Variants in GRIN3A observed in about 807,000 individuals in gnomAD.
The protein encoded by GRIN3A is glutamate receptor ionotropic, NMDA 3A.
A neutral mutation model predicts 92.4 loss-of-function variants in GRIN3A; 47 were observed. That is an observed-to-expected ratio of 0.51 (90% CI 0.40 to 0.65). GRIN3A has a LOEUF of 0.65. Ranked by LOEUF, GRIN3A falls within the 30% of genes least tolerant of loss-of-function variation. The probability of loss-of-function intolerance (pLI) is 0.00; values close to 1 mark genes in which losing one functional copy is unlikely to be tolerated. For missense variants in GRIN3A, 1,324 were observed against 1,393.1 expected, an observed-to-expected ratio of 0.95 and a Z score of 0.79; for synonymous variants, 527 against 540.6, an observed-to-expected ratio of 0.97 and a Z score of 0.35.
At chr9:101,639,642 C>T (rs898166212) in intron 3 of GRIN3A, among the ~76,000 whole-genome samples, 1 of 152,196 alleles carries the variant, frequency 6.6e-6, no homozygotes, top group Non-Finnish European at 1.5e-5. Context: ...CCTTTTGGCA[C>T]AGCTACTCAA....
At chr9:101,625,338 C>T (rs1334232104) in intron 4 of GRIN3A, among the ~76,000 whole-genome samples, 1 of 152,126 alleles carries the variant, frequency 6.6e-6, no homozygotes, top group African/African-American at 2.4e-5. Context: ...TCTAATTTAA[C>T]ACAGTGTGGC....
chr9:101,735,801 T>C (rs998067631), intron 1 of GRIN3A, among the ~76,000 whole-genome samples: 6 of 151,868 alleles, frequency 4.0e-5, no homozygotes, highest in African/African-American at 9.7e-5. Flanking sequence ...GTGTTTTCCA[T>C]GCCTTCCCAT....
intron 1 of GRIN3A, among the ~76,000 whole-genome samples, chr9:101,715,689 T>TAG (rs1829936360): frequency 6.6e-6 from 1 of 152,154 alleles, no homozygotes; most frequent in South Asian, 2.1e-4. Context: ...AGTGAGCAAG[T>TAG]AGAAAACAAA....
At chr9:101,723,750 A>C (rs1830044079) in intron 1 of GRIN3A, among the ~76,000 whole-genome samples, 1 of 152,194 alleles carries the variant, frequency 6.6e-6, no homozygotes, top group South Asian at 2.1e-4. Flanking sequence ...GCCCCACCAG[A>C]GTAGCTAGAT....
chr9:101,639,180 G>C (rs1256049090), intron 3 of GRIN3A, among the ~76,000 whole-genome samples: 1 of 152,060 alleles, frequency 6.6e-6, no homozygotes, highest in Non-Finnish European at 1.5e-5. Context: ...CCAACTACCA[G>C]GTACGATACT....
At chr9:101,690,539 A>G (rs1235544271) in intron 1 of GRIN3A, among the ~76,000 whole-genome samples, 1 of 152,210 alleles carries the variant, frequency 6.6e-6, no homozygotes, top group Non-Finnish European at 1.5e-5. Flanking sequence ...GGAGTCACCA[A>G]GAAGTTGGTT....
chr9:101,679,660 TA>T (rs1045675643), intron 2 of GRIN3A, among the ~76,000 whole-genome samples: 1 of 152,154 alleles, frequency 6.6e-6, no homozygotes, highest in Non-Finnish European at 1.5e-5. Flanking sequence ...ATGTCTTTTC[TA>T]GAAGTATCAA....
chr9:101,701,315 T>C (rs896877137), intron 1 of GRIN3A, among the ~76,000 whole-genome samples: 3 of 152,164 alleles, frequency 2.0e-5, no homozygotes, highest in African/African-American at 7.2e-5. Flanking sequence ...GATTATTTCA[T>C]CACCGACGTA....
At chr9:101,628,520 G>T in intron 3 of GRIN3A, 119 bp from the exon 4 acceptor site, 2 of 917,558 alleles carry the variant, frequency 2.2e-6, no homozygotes, top group East Asian at 2.6e-5. Flanking sequence ...ACCCCCACAG[G>T]CAGAAACATG....
At chr9:101,643,982 G>A (rs1828899855) in intron 3 of GRIN3A, among the ~76,000 whole-genome samples, 1 of 151,542 alleles carries the variant, frequency 6.6e-6, no homozygotes, top group Admixed American at 6.6e-5. Context: ...GTTAATAATA[G>A]TATATGGTAT....
chr9:101,667,683 A>G (rs1414397548), intron 3 of GRIN3A, among the ~76,000 whole-genome samples: 1 of 152,066 alleles, frequency 6.6e-6, no homozygotes, highest in Non-Finnish European at 1.5e-5. Flanking sequence ...CGGTATAATA[A>G]GAGTACATTC....
chr9:101,700,895 A>G (rs1829744550), intron 1 of GRIN3A, among the ~76,000 whole-genome samples: 1 of 152,224 alleles, frequency 6.6e-6, no homozygotes, highest in Admixed American at 6.5e-5. Flanking sequence ...AAGTTTTATC[A>G]AGATTTTAAA....
chr9:101,677,157 A>G (rs1829408142), intron 2 of GRIN3A, among the ~76,000 whole-genome samples: 1 of 151,816 alleles, frequency 6.6e-6, no homozygotes, highest in South Asian at 2.1e-4. Flanking sequence ...ATTATTTACT[A>G]TACATAGTTT....
intron 4 of GRIN3A, among the ~76,000 whole-genome samples, chr9:101,624,837 A>C (rs1229512423): frequency 2.0e-5 from 3 of 152,212 alleles, no homozygotes; most frequent in Non-Finnish European, 4.4e-5. Context: ...AATGCAAATC[A>C]AAACCACAAT....
At chr9:101,605,899 C>T (rs753279617) in intron 6 of GRIN3A, among the ~76,000 whole-genome samples, 1 of 152,118 alleles carries the variant, frequency 6.6e-6, no homozygotes, top group Non-Finnish European at 1.5e-5. Flanking sequence ...GGAGGAGATC[C>T]CTGGATTCAG....
chr9:101,576,349 G>A (rs1036157958), intron 8 of GRIN3A, among the ~76,000 whole-genome samples: 2 of 152,164 alleles, frequency 1.3e-5, no homozygotes, highest in Admixed American at 6.6e-5. Context: ...GTTGTATAGA[G>A]GTAGGCACAG....
intron 2 of GRIN3A, among the ~76,000 whole-genome samples, chr9:101,675,091 G>T (rs7469637): frequency 0.13 from 20,300 of 151,916 alleles, 1,982 homozygotes; most frequent in African/African-American, 0.28. Flanking sequence ...CTTTGTCATG[G>T]TTTGATAAGG....
chr9:101,663,340 T>C (rs1829200297), intron 3 of GRIN3A, among the ~76,000 whole-genome samples: 1 of 151,960 alleles, frequency 6.6e-6, no homozygotes, highest in South Asian at 2.1e-4. Context: ...AATGTTTCTC[T>C]TTCCTACTAA....
chr9:101,663,169 C>T (rs1253522413), intron 3 of GRIN3A, among the ~76,000 whole-genome samples: 3 of 151,890 alleles, frequency 2.0e-5, no homozygotes, highest in Admixed American at 2.0e-4. Context: ...TCCTCATCAA[C>T]TTCCCTTTAA....
Sources: gnomAD v4.1 joint callset for allele counts (sites outside exome capture counted in the v4.1 genomes callset) on GRCh38, gnomAD v4.1.1 for gene constraint, MANE v1.5 for transcripts, NCBI Gene and HGNC (gene_info 2026-07-23, HGNC 2026-07-21) for gene names.